The following PRKN variants were observed in gnomAD, a reference collection of about 807,000 sequenced individuals.
PRKN encodes E3 ubiquitin-protein ligase parkin.
A neutral mutation model predicts 59.5 loss-of-function variants in PRKN; 56 were observed. That is an observed-to-expected ratio of 0.94 (90% CI 0.76 to 1.18). The LOEUF (loss-of-function observed/expected upper bound fraction) is 1.18, where lower values mean the gene tolerates loss of function less well. Ranked by LOEUF, PRKN falls within the 50% of genes most tolerant of loss-of-function variation. The pLI, the probability that PRKN is intolerant of heterozygous loss-of-function variation, is 0.00. For missense variants in PRKN, 657 were observed against 596.4 expected (o/e 1.10, Z -1.06); for synonymous variants, 250 against 222.1 (o/e 1.13, Z -1.12).
chr6:161,875,054 A>G (rs1290787841), intron 6 of PRKN, among the ~76,000 whole-genome samples: 4 of 119,804 alleles, frequency 3.3e-5, no homozygotes, highest in Non-Finnish European at 6.3e-5. Context: ...TATTATATAT[A>G]AAGTATATAC....
At chr6:162,514,107 G>A (rs1269136552) in intron 1 of PRKN, among the ~76,000 whole-genome samples, 1 of 151,842 alleles carries the variant, frequency 6.6e-6, no homozygotes, top group Non-Finnish European at 1.5e-5. Context: ...AAGAACAATT[G>A]TGTTTATAAT....
intron 6 of PRKN, among the ~76,000 whole-genome samples, chr6:161,804,413 G>A (rs1308679399): frequency 6.6e-6 from 1 of 152,150 alleles, no homozygotes; most frequent in East Asian, 1.9e-4. Context: ...CCTCGATGTA[G>A]GAGGAAGGCA....
At chr6:161,871,376 T>A (rs544609691) in intron 6 of PRKN, among the ~76,000 whole-genome samples, 1 of 152,030 alleles carries the variant, frequency 6.6e-6, no homozygotes, top group Non-Finnish European at 1.5e-5. Flanking sequence ...TAATTTGGGG[T>A]CTACCTGGAA....
intron 5 of PRKN, among the ~76,000 whole-genome samples, chr6:162,036,752 C>T (rs1783865878): frequency 6.6e-6 from 1 of 152,016 alleles, no homozygotes; most frequent in Non-Finnish European, 1.5e-5. Context: ...ATATTTTCAA[C>T]ATGTATGACA....
At chr6:162,264,912 C>T (rs140363766) in intron 2 of PRKN, among the ~76,000 whole-genome samples, 102 of 152,224 alleles carry the variant, frequency 6.7e-4, no homozygotes, top group Non-Finnish European at 1.2e-3. Flanking sequence ...GTTAGCAATT[C>T]TGTCTCAGAA....
intron 4 of PRKN, among the ~76,000 whole-genome samples, chr6:162,101,972 G>C (rs941027590): frequency 6.6e-6 from 1 of 152,058 alleles, no homozygotes; most frequent in African/African-American, 2.4e-5. Flanking sequence ...TAATCCACAG[G>C]CCTGATGTAA....
chr6:162,376,944 A>G (rs1786137508), intron 2 of PRKN, among the ~76,000 whole-genome samples: 1 of 151,552 alleles, frequency 6.6e-6, no homozygotes, highest in Non-Finnish European at 1.5e-5. Context: ...AGACAAAGTA[A>G]AGGCAGGAGG....
At chr6:162,240,931 G>A (rs944095847) in intron 3 of PRKN, among the ~76,000 whole-genome samples, 2 of 152,156 alleles carry the variant, frequency 1.3e-5, no homozygotes, top group African/African-American at 2.4e-5. Context: ...TTTGAAGAAG[G>A]TGAAAGAATC....
intron 3 of PRKN, among the ~76,000 whole-genome samples, chr6:162,201,519 G>A (rs1034669178): frequency 6.6e-6 from 1 of 152,126 alleles, no homozygotes. Flanking sequence ...CAAGAGAATC[G>A]GGCAAGTGTA....
At chr6:161,726,000 T>C (rs1787425597) in intron 7 of PRKN, among the ~76,000 whole-genome samples, 1 of 152,228 alleles carries the variant, frequency 6.6e-6, no homozygotes, top group Non-Finnish European at 1.5e-5. Context: ...ATGACCATTA[T>C]ACCAGGAGAA....
At position 162,427,653 on chromosome 6, in the gene PRKN, TC is replaced by T. The variant is rs373305278; in HGVS notation, c.171+15656del. Among the ~76,000 whole-genome samples the T allele has an allele frequency of 6.7e-3, 990 of 148,660 alleles. 18 individuals carry two copies. The highest frequency in any genetic ancestry group is 0.022 in the African/African-American group (869 of 39,510). ...AGGCTGGTAAATAAATGTTTTTTTT[TC>T]TTTTTTTTTTTGATGGAGTCTCGCT... On this transcript the variant is annotated intron_variant, in intron 2 of 11. Transcript: ENST00000366898.
intron 1 of PRKN, among the ~76,000 whole-genome samples, chr6:162,535,530 A>T (rs1156910174): frequency 3.3e-5 from 5 of 152,118 alleles, no homozygotes; most frequent in Non-Finnish European, 7.4e-5. Flanking sequence ...TATATAAATC[A>T]AATGACTGTT....
At chr6:162,015,798 A>G (rs1447933747) in intron 5 of PRKN, among the ~76,000 whole-genome samples, 1 of 152,202 alleles carries the variant, frequency 6.6e-6, no homozygotes, top group African/African-American at 2.4e-5. Context: ...ATGAATGCTT[A>G]TATGTTACAA....
At chr6:162,633,343 G>A (rs149775021) in intron 1 of PRKN, among the ~76,000 whole-genome samples, 2,643 of 141,608 alleles carry the variant, frequency 0.019, 69 homozygotes, top group African/African-American at 0.067. Context: ...GCTGAGGCAG[G>A]AGAATCAGTT....
intron 10 of PRKN, among the ~76,000 whole-genome samples, chr6:161,383,184 C>A (rs1786070575): frequency 6.6e-6 from 1 of 152,156 alleles, no homozygotes; most frequent in African/African-American, 2.4e-5. Context: ...GGAGACCATG[C>A]TGCTTGAGAG....
At chr6:161,690,831 C>T (rs1296688673) in intron 7 of PRKN, among the ~76,000 whole-genome samples, 2 of 152,232 alleles carry the variant, frequency 1.3e-5, no homozygotes, top group African/African-American at 4.8e-5. Flanking sequence ...ACGGCATCAG[C>T]AGCTTTCGTA....
chr6:162,697,842 A>G (rs2128236236), intron 1 of PRKN, among the ~76,000 whole-genome samples: 1 of 152,338 alleles, frequency 6.6e-6, no homozygotes, highest in Non-Finnish European at 1.5e-5. Context: ...TTCATTAGTA[A>G]AAAAAGTAAA....
intron 3 of PRKN, among the ~76,000 whole-genome samples, chr6:162,236,013 G>GAA (rs1390527810): frequency 6.7e-6 from 1 of 149,622 alleles, no homozygotes; most frequent in Non-Finnish European, 1.5e-5. Context: ...AAGAAAGAAA[G>GAA]AAAGAAAGAA....
At chr6:162,272,611 A>C (rs1780443797) in intron 2 of PRKN, among the ~76,000 whole-genome samples, 1 of 152,060 alleles carries the variant, frequency 6.6e-6, no homozygotes. Context: ...CGCTTCCCAA[A>C]TTCCAATGGT....
Sources: allele counts gnomAD v4.1 joint callset (sites outside exome capture counted in the v4.1 genomes callset), GRCh38; gene constraint gnomAD v4.1.1; transcripts MANE v1.5; gene names NCBI Gene and HGNC (gene_info 2026-07-23, HGNC 2026-07-21).